Variants in HIPK2 observed in about 807,000 individuals in gnomAD.
HIPK2 encodes the protein homeodomain interacting protein kinase 2.
Under a neutral mutation model 113.7 loss-of-function variants are expected in HIPK2, and 27 were observed. The ratio of observed to expected loss-of-function variants is 0.24; its 90% CI spans 0.17 to 0.33. The LOEUF is 0.33. Among genes scored for constraint, HIPK2 ranks in the 10% least tolerant of loss-of-function variants. The probability of loss-of-function intolerance (pLI) is 1.00; values close to 1 mark genes in which losing one functional copy is unlikely to be tolerated. For synonymous variants in HIPK2, 631 were observed against 642.2 expected (o/e 0.98, Z 0.26); for missense variants, 1,257 against 1,588.0 (o/e 0.79, Z 3.54).
chr7:139,574,802 G>C (rs920451113), intron 14 of HIPK2, among the ~76,000 whole-genome samples: 3 of 152,248 alleles, frequency 2.0e-5, no homozygotes, highest in African/African-American at 7.2e-5. Flanking sequence ...CCGGGACACA[G>C]TGCTCTACCC....
At chr7:139,615,697 A>G (rs1255886458) in intron 7 of HIPK2, among the ~76,000 whole-genome samples, 1 of 152,248 alleles carries the variant, frequency 6.6e-6, no homozygotes, top group African/African-American at 2.4e-5. Context: ...TCTTGGACAC[A>G]AATAGAATTT....
At chr7:139,643,795 T>C (rs1801114052) in intron 2 of HIPK2, among the ~76,000 whole-genome samples, 1 of 152,244 alleles carries the variant, frequency 6.6e-6, no homozygotes, top group African/African-American at 2.4e-5. Flanking sequence ...CAGTTTGGAC[T>C]CCATGATAAG....
rs1441841605 is a variant in HIPK2, at chr7:139,714,487, G to A, written c.1103+1445C>T. On this transcript the variant is annotated intron_variant, in intron 2 of 14. Coordinates refer to ENST00000406875, the MANE Select transcript of HIPK2 (RefSeq NM_022740.5). This position sits in a 1 kb window ranked among gnomAD's most constrained non-coding sequence, Gnocchi z 4.2. ...CTGCCTGCAGCCAGGATGGGGGCCC[G>A]GACAGGGAGCAAGAAGGGGAAGCTG... is the stretch of plus-strand genomic sequence containing the variant. Among the ~76,000 whole-genome samples, 5 of 152,156 alleles carry A rather than the reference G, an allele frequency of 3.3e-5. No individual in the cohort carries two copies. The highest frequency in any genetic ancestry group is 1.3e-4 in the Admixed American group (2 of 15,290).
At chr7:139,722,549 G>A (rs1380521986) in intron 1 of HIPK2, among the ~76,000 whole-genome samples, 3 of 152,122 alleles carry the variant, frequency 2.0e-5, no homozygotes, top group Non-Finnish European at 4.4e-5. Flanking sequence ...TCTATAAAAT[G>A]CTAGACTTGA....
chr7:139,675,262 T>C (rs1802458903), intron 2 of HIPK2, among the ~76,000 whole-genome samples: 1 of 150,878 alleles, frequency 6.6e-6, no homozygotes, highest in Non-Finnish European at 1.5e-5. Flanking sequence ...ATGTTAAAAA[T>C]ATTATGCTAA....
chr7:139,569,724 A>G lies in HIPK2; in HGVS notation c.*3203T>C, dbSNP rs1585218716. ...TAGAGATGACAGAAACAATTTTCCT[A>G]CTTCCTAAGTCTTTCCTTTTTTTTT... On this transcript the variant is annotated 3_prime_UTR_variant, in exon 15 of 15. Transcript: ENST00000406875. 6.8e-6 allele frequency: 1 copy of G among 146,384 alleles called. No individual in the cohort carries two copies. Among genetic ancestry groups the G allele is most frequent in the Non-Finnish European group, 1.5e-5 (1 of 67,280 alleles). 9.1% of individuals were successfully genotyped at this position (146,384 alleles called of 1,614,324 possible). A position where few individuals can be genotyped will look rare whatever the true frequency, so the allele number is the denominator to read the frequency against.
rs1316798259 is a variant in HIPK2, at chr7:139,569,969, C to T, written c.*2958G>A. On this transcript the variant is annotated 3_prime_UTR_variant, in exon 15 of 15. Coordinates refer to ENST00000406875, the MANE Select transcript of HIPK2 (RefSeq NM_022740.5). ...TATGAGCAGCATGGAAATTTCATTC[C>T]TGATCTGGAAGAATAAAAGGAAAGA... is the stretch of plus-strand genomic sequence containing the variant. The T allele has an allele frequency of 1.3e-5, 2 of 152,114 alleles. No homozygotes were observed. Among genetic ancestry groups the T allele is most frequent in the African/African-American group, 4.8e-5 (2 of 41,396 alleles). The allele number at this position is 152,114 out of a possible 1,614,324, so 9.4% of individuals were successfully genotyped here.
At chr7:139,669,992 C>G (rs943627242) in intron 2 of HIPK2, among the ~76,000 whole-genome samples, 2 of 152,140 alleles carry the variant, frequency 1.3e-5, no homozygotes, top group African/African-American at 4.8e-5. Flanking sequence ...CAAATCAAAA[C>G]GGCACACAAT....
At chr7:139,765,556 C>A (rs562585997) in intron 1 of HIPK2, among the ~76,000 whole-genome samples, 90 of 152,316 alleles carry the variant, frequency 5.9e-4, no homozygotes, top group African/African-American at 2.1e-3. Context: ...GTACACTTGG[C>A]ACCTAGGAGA....
intron 2 of HIPK2, among the ~76,000 whole-genome samples, chr7:139,696,418 C>CA (rs1372274692): frequency 4.0e-5 from 6 of 151,730 alleles, no homozygotes; most frequent in African/African-American, 1.2e-4. Context: ...CCAATCCCTA[C>CA]AAAAAATTTT....
At position 139,670,752 on chromosome 7, in the gene HIPK2, TTTC is replaced by T. The variant is rs1382788873; in HGVS notation, c.1104-39030_1104-39028del. On this transcript the variant is annotated intron_variant, in intron 2 of 14. Coordinates refer to ENST00000406875, the MANE Select transcript of HIPK2 (RefSeq NM_022740.5). ...TTTCTTTTCTTTCTTTCTTTCTTTC[TTTC>T]TTTCTTTTTTTTTTTTTTTTTTTTT... 4.3e-5 allele frequency among the ~76,000 whole-genome samples: 3 copies of T among 69,974 alleles called. No individual in the cohort carries two copies. In the Admixed American group the frequency reaches 5.8e-4, roughly 13 times the overall value. 45.9% of individuals were successfully genotyped at this position (69,974 alleles called of 152,430 possible). A position where few individuals can be genotyped will look rare whatever the true frequency, so the allele number is the denominator to read the frequency against.
In HIPK2 at chr7:139,596,737, TTCC is replaced by T. The variant is rs1799228359; in HGVS notation, c.2694_2696del (p.Glu899del). The stretch of plus-strand genomic sequence containing the variant: ...CTCACCTGGTGGGGGCGTGTTTCTG[TTCC>T]TCCTCCTCGTCCGTGTCACTGCTGA... On this transcript the variant is annotated inframe_deletion, in exon 12 of 15. Transcript: ENST00000406875. The T allele has an allele frequency of 1.2e-6, 2 of 1,611,936 alleles. No individual in the cohort carries two copies. Among genetic ancestry groups the T allele is most frequent in the Non-Finnish European group, 1.7e-6 (2 of 1,178,072 alleles).
At chr7:139,704,202 CA>C in intron 2 of HIPK2, among the ~76,000 whole-genome samples, 1 of 135,228 alleles carries the variant, frequency 7.4e-6, no homozygotes, top group Non-Finnish European at 1.6e-5. Flanking sequence ...ACACACCCAA[CA>C]CACACACCAC....
chr7:139,649,549 A>ATGTG (rs35481634), intron 2 of HIPK2, among the ~76,000 whole-genome samples: 10 of 151,158 alleles, frequency 6.6e-5, no homozygotes, highest in African/African-American at 9.7e-5. Context: ...GCCTGAGGGT[A>ATGTG]TGTGTGTGTG....
At chr7:139,775,032 A>T (rs1451292360) in intron 1 of HIPK2, among the ~76,000 whole-genome samples, 2 of 152,198 alleles carry the variant, frequency 1.3e-5, no homozygotes, top group African/African-American at 4.8e-5. Context: ...CCATTAATGT[A>T]TCTGGGCCTT....
At chr7:139,587,470 C>G (rs935279333) in intron 12 of HIPK2, among the ~76,000 whole-genome samples, 1 of 115,582 alleles carries the variant, frequency 8.7e-6, no homozygotes, top group Non-Finnish European at 1.6e-5. Flanking sequence ...GCCTGGGCGA[C>G]AGAGCAAGAC....
chr7:139,756,485 T>C (rs1796365189), intron 1 of HIPK2, among the ~76,000 whole-genome samples: 1 of 152,200 alleles, frequency 6.6e-6, no homozygotes, highest in Non-Finnish European at 1.5e-5. Flanking sequence ...AGTGCAGTGG[T>C]GCAATCTTGG....
At chr7:139,701,052 A>G (rs932324196) in intron 2 of HIPK2, among the ~76,000 whole-genome samples, 5 of 152,242 alleles carry the variant, frequency 3.3e-5, no homozygotes, top group African/African-American at 1.2e-4. Flanking sequence ...TGTCAGCGCC[A>G]GCACCAAACT....
At position 139,573,047 on chromosome 7, in the gene HIPK2, G is replaced by A; in HGVS notation, c.3477C>T (p.His1159=). The A allele has an allele frequency of 6.2e-7, 1 of 1,612,700 alleles. No individual in the cohort carries two copies. The highest frequency in any genetic ancestry group is 8.5e-7 in the Non-Finnish European group (1 of 1,179,440). The change falls in exon 15 of 15, where the codon CAC becomes CAT. Residue 1159 remains histidine, a synonymous_variant. Transcript: ENST00000406875. ...GPRVLPSPTI[H]PSQYPAQFAH... ...CAAATTGGGCTGGATACTGACTCGG[G>A]TGGATGGTGGGCGAGGGCAGGACCC...
Sources: gnomAD v4.1 joint callset for allele counts (sites outside exome capture counted in the v4.1 genomes callset) on GRCh38, gnomAD v4.1.1 for gene constraint, Gnocchi (gnomAD v3.1) non-coding constraint, MANE v1.5 for transcripts, NCBI Gene and HGNC (gene_info 2026-07-23, HGNC 2026-07-21) for gene names.